Variants in CHN2 observed in about 807,000 individuals in gnomAD.
CHN2 encodes beta-chimaerin.
A neutral mutation model predicts 56.3 loss-of-function variants in CHN2; 35 were observed. The observed-to-expected ratio is 0.62, with a 90% CI of 0.47 to 0.82. The LOEUF (loss-of-function observed/expected upper bound fraction) is 0.82, where lower values mean the gene tolerates loss of function less well. Among genes scored for constraint, CHN2 ranks in the 40% least tolerant of loss-of-function variants. The pLI is 0.00. For missense variants in CHN2, 491 were observed against 580.5 expected (o/e 0.85, Z 1.58); for synonymous variants, 210 against 212.8 (o/e 0.99, Z 0.12).
At chr7:29,315,614 T>C (rs2128890122) in intron 1 of CHN2, among the ~76,000 whole-genome samples, 1 of 152,230 alleles carries the variant, frequency 6.6e-6, no homozygotes, top group African/African-American at 2.4e-5. Context: ...ATAGATGACA[T>C]AAAAAATGGG....
At chr7:29,179,932 C>A (rs1797852002) in intron 2 of CHN2, among the ~76,000 whole-genome samples, 1 of 152,178 alleles carries the variant, frequency 6.6e-6, no homozygotes, top group South Asian at 2.1e-4. Flanking sequence ...ATTAAGATAA[C>A]TTACATTGCT....
chr7:29,321,954 G>C (rs966456444), intron 1 of CHN2, among the ~76,000 whole-genome samples: 1 of 152,160 alleles, frequency 6.6e-6, no homozygotes, highest in Non-Finnish European at 1.5e-5. Flanking sequence ...AGAGACATTT[G>C]CCAATCTAAT....
At chr7:29,510,810 A>G (rs912666801) in intron 12 of CHN2, among the ~76,000 whole-genome samples, 4 of 152,222 alleles carry the variant, frequency 2.6e-5, no homozygotes, top group African/African-American at 9.7e-5. Context: ...TCCAGGAGGC[A>G]TGGATCGCTG....
intron 6 of CHN2, among the ~76,000 whole-genome samples, chr7:29,421,920 T>C (rs1804386460): frequency 6.6e-6 from 1 of 152,182 alleles, no homozygotes. Context: ...CCTACTGAAA[T>C]GCTGTCAGGC....
chr7:29,425,663 T>A (rs1804792103), intron 6 of CHN2, among the ~76,000 whole-genome samples: 1 of 152,210 alleles, frequency 6.6e-6, no homozygotes, highest in Non-Finnish European at 1.5e-5. Context: ...TGGTTTAATC[T>A]TATTTTTTCT....
intron 1 of CHN2, among the ~76,000 whole-genome samples, chr7:29,302,765 C>T (rs1292043104): frequency 1.3e-4 from 20 of 152,106 alleles, no homozygotes; most frequent in Admixed American, 1.3e-3. Flanking sequence ...TCTCTATTCT[C>T]CTCCCCTCTC....
chr7:29,504,531 T>A (rs1323491189), intron 9 of CHN2, among the ~76,000 whole-genome samples: 1 of 152,146 alleles, frequency 6.6e-6, no homozygotes, highest in African/African-American at 2.4e-5. Context: ...TCCATTGAGA[T>A]CTCCACTGCT....
intron 6 of CHN2, among the ~76,000 whole-genome samples, chr7:29,465,244 G>C (rs1481424022): frequency 3.3e-5 from 5 of 152,158 alleles, no homozygotes; most frequent in Non-Finnish European, 7.3e-5. Context: ...TTATGTTTAG[G>C]AATTGTGGCA....
intron 6 of CHN2, among the ~76,000 whole-genome samples, chr7:29,458,579 C>T (rs555898220): frequency 3.3e-5 from 5 of 152,214 alleles, no homozygotes; most frequent in African/African-American, 9.6e-5. Context: ...GTGTGTGGAA[C>T]ATTTGAAGAT....
At chr7:29,455,401 G>A (rs892367909) in intron 6 of CHN2, among the ~76,000 whole-genome samples, 12 of 152,092 alleles carry the variant, frequency 7.9e-5, no homozygotes, top group Admixed American at 3.3e-4. Flanking sequence ...TCAGCTAGTC[G>A]CGGCACAGTT....
At chr7:29,393,376 C>G (rs1332773314) in intron 3 of CHN2, among the ~76,000 whole-genome samples, 1 of 152,100 alleles carries the variant, frequency 6.6e-6, no homozygotes, top group African/African-American at 2.4e-5. Flanking sequence ...AGGATGAAGC[C>G]TTATAATATC....
chr7:29,448,539 C>A (rs1784186772), intron 6 of CHN2, among the ~76,000 whole-genome samples: 1 of 152,210 alleles, frequency 6.6e-6, no homozygotes, highest in Non-Finnish European at 1.5e-5. Flanking sequence ...GTGACCCAGT[C>A]TCCTAATACA....
At chr7:29,212,184 T>A (rs2128781626) in intron 1 of CHN2, 1 of 606,450 alleles carries the variant, frequency 1.6e-6, no homozygotes, top group East Asian at 2.7e-5. Context: ...AACTTCTTGA[T>A]ACTTTTGCTT....
At chr7:29,229,097 C>T (rs1489621554) in intron 1 of CHN2, among the ~76,000 whole-genome samples, 1 of 152,200 alleles carries the variant, frequency 6.6e-6, no homozygotes, top group East Asian at 1.9e-4. Context: ...CTCCTCCCCG[C>T]TGTTGACCTC....
intron 11 of CHN2, among the ~76,000 whole-genome samples, chr7:29,508,888 A>G (rs1297382646): frequency 6.6e-6 from 1 of 152,216 alleles, no homozygotes; most frequent in Non-Finnish European, 1.5e-5. Context: ...CGCCAGGGAA[A>G]GACTCATTAG....
chr7:29,261,653 C>G (rs1003981552), intron 1 of CHN2, among the ~76,000 whole-genome samples: 1 of 152,186 alleles, frequency 6.6e-6, no homozygotes, highest in African/African-American at 2.4e-5. Context: ...TAGTTCACTT[C>G]TTTGAACCAC....
chr7:29,165,480 C>T (rs1795791950), intron 2 of CHN2, among the ~76,000 whole-genome samples: 1 of 152,108 alleles, frequency 6.6e-6, no homozygotes, highest in Non-Finnish European at 1.5e-5. Context: ...GAATTTTCCA[C>T]AGTCATGTTG....
intron 1 of CHN2, among the ~76,000 whole-genome samples, chr7:29,309,680 T>C (rs141169649): frequency 2.5e-4 from 38 of 152,368 alleles, no homozygotes; most frequent in Non-Finnish European, 4.0e-4. Flanking sequence ...TTGTGTTTTC[T>C]TCTGTTGATT....
intron 1 of CHN2, among the ~76,000 whole-genome samples, chr7:29,279,718 G>A (rs1280353240): frequency 1.3e-5 from 2 of 152,188 alleles, no homozygotes; most frequent in African/African-American, 4.8e-5. Context: ...AGGGTGTGAT[G>A]TGGGCCTGGA....
Sources: allele counts gnomAD v4.1 joint callset (sites outside exome capture counted in the v4.1 genomes callset), GRCh38; gene constraint gnomAD v4.1.1; transcripts MANE v1.5; gene names NCBI Gene and HGNC (gene_info 2026-07-23, HGNC 2026-07-21).